PRDM2: variants seen among roughly 807,000 people sequenced by gnomAD.
PRDM2 encodes PR domain zinc finger protein 2.
Under a neutral mutation model 130.0 loss-of-function variants are expected in PRDM2, and 30 were observed. The ratio of observed to expected loss-of-function variants is 0.23; its 90% confidence interval spans 0.17 to 0.31. The LOEUF (loss-of-function observed/expected upper bound fraction) is 0.31. Among genes scored for constraint, PRDM2 ranks in the 10% least tolerant of loss-of-function variants. The pLI is 1.00. For missense variants in PRDM2, 2,011 were observed against 2,108.4 expected (o/e 0.95, Z 0.90); for synonymous variants, 871 against 782.4 (o/e 1.11, Z -1.89).
chr1:13,767,333 C>T (rs529488632), intron 6 of PRDM2, among the ~76,000 whole-genome samples: 311 of 151,940 alleles, frequency 2.0e-3, no homozygotes, highest in African/African-American at 7.3e-3. Context: ...AGTCTGTCGC[C>T]CAGGCTGGAG....
chr1:13,735,528 T>A (rs1643240904), intron 4 of PRDM2, among the ~76,000 whole-genome samples: 1 of 152,200 alleles, frequency 6.6e-6, no homozygotes, highest in Non-Finnish European at 1.5e-5. Context: ...TAAGCTTTTT[T>A]TTTCTTTTCT....
chr1:13,813,323 C>G (rs1049555334), intron 8 of PRDM2, among the ~76,000 whole-genome samples: 1 of 152,106 alleles, frequency 6.6e-6, no homozygotes, highest in African/African-American at 2.4e-5. Context: ...AATTCCGGAG[C>G]CTTGGTCCTC....
intron 6 of PRDM2, among the ~76,000 whole-genome samples, chr1:13,751,733 G>A (rs1442766330): frequency 2.0e-5 from 3 of 152,062 alleles, no homozygotes; most frequent in Non-Finnish European, 4.4e-5. Flanking sequence ...CTTCATTTTC[G>A]TTATGAGACA....
rs532976125 is a variant in PRDM2 at position 13,775,080 on chromosome 1, A to G, written c.622+1892A>G. Among the ~76,000 whole-genome samples, 156 of 152,374 alleles carry G rather than the reference A, an allele frequency of 1.0e-3. 1 individual carries two copies. Among genetic ancestry groups the G allele is most frequent in the African/African-American group, 3.6e-3 (151 of 41,594 alleles). ...TGAATGTTCTGCGTTGTCCTCAGCA[A>G]ATGGTCTATACCATGAGCAAACAGT... On this transcript the variant is annotated intron_variant, in intron 7 of 9. Transcript: ENST00000311066.
At chr1:13,703,415 T>C (rs1409865081) in intron 1 of PRDM2, among the ~76,000 whole-genome samples, 1 of 152,164 alleles carries the variant, frequency 6.6e-6, no homozygotes, top group Non-Finnish European at 1.5e-5. Context: ...AACTGTATGG[T>C]TGAATTATTG....
At chr1:13,722,326 C>T (rs996634684) in intron 2 of PRDM2, among the ~76,000 whole-genome samples, 15 of 151,912 alleles carry the variant, frequency 9.9e-5, no homozygotes, top group Admixed American at 7.2e-4. Context: ...GGATATTGAT[C>T]GTCAGAAGAA....
chr1:13,733,589 T>TTGCA (rs1355577675), intron 4 of PRDM2, among the ~76,000 whole-genome samples: 2 of 152,208 alleles, frequency 1.3e-5, no homozygotes, highest in Non-Finnish European at 2.9e-5. Context: ...GCTTCGTGAC[T>TTGCA]TGCAGCAGGG....
chr1:13,704,109 C>T (rs1433043707), intron 1 of PRDM2, among the ~76,000 whole-genome samples: 1 of 152,144 alleles, frequency 6.6e-6, no homozygotes, highest in Non-Finnish European at 1.5e-5. Context: ...CATACGTAAT[C>T]TTTAGTCGGA....
chr1:13,781,665 C>G lies in PRDM2; in HGVS notation c.3870C>G (p.Gly1290=). The G allele has an allele frequency of 6.2e-7, 1 of 1,613,944 alleles. No individual in the cohort carries two copies. The highest frequency in any genetic ancestry group is 8.5e-7 in the Non-Finnish European group (1 of 1,179,998). The change falls in exon 8 of 10, where the codon GGC becomes GGG. Residue 1290 remains glycine (G), a synonymous_variant. Transcript: ENST00000311066. The surrounding 1 kb of genome is among the most constrained non-coding windows in gnomAD (Gnocchi z 6.1). ...CAAAAGATCCAGATGTTCGATTGGG[C>G]CTCAATCAGCATTACCCAAGCTTTA... ...IKTKDPDVRL[G]LNQHYPSFKP... is the part of the protein sequence containing the mutation.
chr1:13,809,589 G>A (rs892367913), intron 8 of PRDM2, among the ~76,000 whole-genome samples: 1 of 152,276 alleles, frequency 6.6e-6, no homozygotes, highest in Admixed American at 6.5e-5. Flanking sequence ...TCCAAGAGAT[G>A]TCACGTCAGT....
chr1:13,764,576 C>G lies in PRDM2; in HGVS notation c.512-8502C>G, dbSNP rs554920949. The stretch of plus-strand genomic sequence containing the variant: ...AGTCAAAACCACTGAAAGCCTTTTT[C>G]TGACAGCATAAAAGCTCGGACTCCC... On this transcript the variant is annotated intron_variant, in intron 6 of 9. Transcript: ENST00000311066. Among the ~76,000 whole-genome samples, 18 of 152,322 alleles carry G rather than the reference C, an allele frequency of 1.2e-4. No individual in the cohort carries two copies. In the South Asian group the frequency reaches 1.7e-3, roughly 14 times the overall value.
intron 8 of PRDM2, among the ~76,000 whole-genome samples, chr1:13,811,551 G>T (rs796254697): frequency 3.3e-5 from 5 of 152,310 alleles, no homozygotes; most frequent in African/African-American, 1.2e-4. Flanking sequence ...CAAACCAGGG[G>T]CATCCCTCAT....
At chr1:13,734,675 A>G (rs1482890612) in intron 4 of PRDM2, among the ~76,000 whole-genome samples, 1 of 152,216 alleles carries the variant, frequency 6.6e-6, no homozygotes, top group Non-Finnish European at 1.5e-5. Context: ...TACTTCTTAT[A>G]TACTGTACTA....
chr1:13,755,321 C>T (rs1277095205), intron 6 of PRDM2, among the ~76,000 whole-genome samples: 1 of 152,050 alleles, frequency 6.6e-6, no homozygotes, highest in African/African-American at 2.4e-5. Context: ...TGCAAAAATC[C>T]TAACATATGC....
At chr1:13,721,930 C>CT (rs1251734353) in intron 2 of PRDM2, among the ~76,000 whole-genome samples, 3 of 152,184 alleles carry the variant, frequency 2.0e-5, no homozygotes, top group African/African-American at 7.2e-5. Context: ...GTAATGGTGC[C>CT]TACCCCGTGT....
chr1:13,754,288 A>T (rs1310680381), intron 6 of PRDM2, among the ~76,000 whole-genome samples: 1 of 152,000 alleles, frequency 6.6e-6, no homozygotes, highest in Non-Finnish European at 1.5e-5. Context: ...GGTGGGGGAG[A>T]TGAGAGAGAT....
chr1:13,782,089 G>A lies in PRDM2; in HGVS notation c.4294G>A (p.Ala1432Thr). ...LKKKNQLVQK[A>T]ILQKNKSAKQ... ...GAAAAAAAATCAGCTAGTACAGAAA[G>A]CAATTCTTCAGAAAAACAAATCTGC... The change falls in exon 8 of 10, where the codon GCA (alanine) becomes ACA (threonine). Residue 1432 changes from alanine (A) to threonine (T), a missense_variant. By Grantham distance (58) the Ala-to-Thr change is moderately conservative. Coordinates refer to ENST00000311066, the MANE Select transcript of PRDM2 (RefSeq NM_001393986.1). The A allele has an allele frequency of 6.2e-7, 1 of 1,613,932 alleles. No homozygotes were observed. The highest frequency in any genetic ancestry group is 8.5e-7 in the Non-Finnish European group (1 of 1,179,976).
rs58611068 is a variant in PRDM2 at position 13,791,099 on chromosome 1, G to A, written c.5036+8268G>A. On this transcript the variant is annotated intron_variant, in intron 8 of 9. Transcript: ENST00000311066. ...TCCAAGCTACACTGTGCAGTCCATCGTTTTTATAGGTAGGGTTTTTTTTTT... is the reference window on the plus strand; with the variant it reads ...TCCAAGCTACACTGTGCAGTCCATCATTTTTATAGGTAGGGTTTTTTTTTT... Among the ~76,000 whole-genome samples the A allele has an allele frequency of 9.8e-3, 1,494 of 151,794 alleles. 25 individuals are homozygous for A. Among genetic ancestry groups the A allele is most frequent in the African/African-American group, 0.033 (1,383 of 41,398 alleles).
rs534714415 is a variant in PRDM2, at chr1:13,795,512, C to T, written c.5036+12681C>T. Among the ~76,000 whole-genome samples the T allele has an allele frequency of 1.2e-3, 181 of 152,328 alleles. 3 individuals are homozygous for T. In the South Asian group the frequency reaches 0.036, roughly 30 times the overall value. ...GGAGGTAGAAGGGAGCCCCTGGTCA[C>T]GCCCCTGTGCCGCCTTCTAGTGGCA... On this transcript the variant is annotated intron_variant, in intron 8 of 9. Transcript: ENST00000311066.
Sources: gnomAD v4.1 joint callset for allele counts (sites outside exome capture counted in the v4.1 genomes callset) on GRCh38, gnomAD v4.1.1 for gene constraint, Gnocchi (gnomAD v3.1) non-coding constraint, MANE v1.5 for transcripts, NCBI Gene and HGNC (gene_info 2026-07-23, HGNC 2026-07-21) for gene names.